CENPP: variants seen among roughly 807,000 people sequenced by gnomAD.
The protein encoded by CENPP is centromere protein P.
Under a neutral mutation model 35.6 loss-of-function variants are expected in CENPP, and 24 were observed. The ratio of observed to expected loss-of-function variants is 0.67; its 90% CI spans 0.49 to 0.95. The LOEUF (loss-of-function observed/expected upper bound fraction) is 0.95, where lower values mean the gene tolerates loss of function less well. Among genes scored for constraint, CENPP ranks in the 40% least tolerant of loss-of-function variants. CENPP has a pLI of 0.00. For missense variants in CENPP, 332 were observed against 345.3 expected (o/e 0.96, Z 0.31); for synonymous variants, 120 against 125.5 (o/e 0.96, Z 0.29).
At chr9:92,572,925 T>C (rs1850180844) in intron 5 of CENPP, among the ~76,000 whole-genome samples, 1 of 152,236 alleles carries the variant, frequency 6.6e-6, no homozygotes, top group Admixed American at 6.5e-5. Context: ...TCTTGTGCCA[T>C]GGTTTTCAGC....
chr9:92,522,549 G>T, intron 5 of CENPP: 2 of 1,548,346 alleles, frequency 1.3e-6, no homozygotes, highest in South Asian at 1.2e-5. Context: ...CCCTCTTTCT[G>T]TCTCTCTCTC....
chr9:92,363,008 A>G (rs1292912057), intron 4 of CENPP, among the ~76,000 whole-genome samples: 1 of 152,090 alleles, frequency 6.6e-6, no homozygotes, highest in Non-Finnish European at 1.5e-5. Context: ...TATATTTTTG[A>G]GCACTTCCTC....
intron 5 of CENPP, among the ~76,000 whole-genome samples, chr9:92,537,371 G>A (rs977498943): frequency 6.6e-6 from 1 of 152,016 alleles, no homozygotes; most frequent in African/African-American, 2.4e-5. Flanking sequence ...TTTTAAAAAT[G>A]TAAAACTAGC....
intron 5 of CENPP, among the ~76,000 whole-genome samples, chr9:92,461,657 C>G (rs1404817047): frequency 6.6e-6 from 1 of 152,144 alleles, no homozygotes; most frequent in Non-Finnish European, 1.5e-5. Flanking sequence ...ACCTGAGGGT[C>G]TTAGCATTCA....
At chr9:92,572,709 G>A (rs1276054485) in intron 5 of CENPP, among the ~76,000 whole-genome samples, 34 of 152,162 alleles carry the variant, frequency 2.2e-4, no homozygotes, top group Non-Finnish European at 4.1e-4. Flanking sequence ...CATTCTCCCC[G>A]TCACTTTCAG....
At chr9:92,368,669 C>T (rs917595890) in intron 4 of CENPP, among the ~76,000 whole-genome samples, 7 of 152,090 alleles carry the variant, frequency 4.6e-5, no homozygotes, top group Non-Finnish European at 7.4e-5. Flanking sequence ...GTTTTTTTGG[C>T]TACTGACGGG....
chr9:92,477,022 C>T (rs1302369479), intron 5 of CENPP, among the ~76,000 whole-genome samples: 3 of 152,148 alleles, frequency 2.0e-5, no homozygotes, highest in Non-Finnish European at 4.4e-5. Context: ...AGGTAGAGAA[C>T]AGAATGATTG....
At chr9:92,502,119 T>A (rs1050044487) in intron 5 of CENPP, among the ~76,000 whole-genome samples, 1 of 151,630 alleles carries the variant, frequency 6.6e-6, no homozygotes, top group South Asian at 2.1e-4. Context: ...AGGGGAATAA[T>A]CCTTCATTCA....
intron 4 of CENPP, among the ~76,000 whole-genome samples, chr9:92,366,177 C>CA (rs79052877): frequency 0.078 from 3,978 of 50,930 alleles, 133 homozygotes; most frequent in South Asian, 0.17. Flanking sequence ...GACTCCGTCT[C>CA]AAAAAAAAAA....
intron 5 of CENPP, among the ~76,000 whole-genome samples, chr9:92,599,871 G>A (rs558986242): frequency 4.2e-4 from 64 of 152,298 alleles, no homozygotes; most frequent in African/African-American, 1.4e-3. Context: ...GCCTCCTCCA[G>A]CCTCTCTTTT....
intron 3 of CENPP, chr9:92,340,638 C>T (rs1220837017): frequency 1.3e-5 from 2 of 152,610 alleles, no homozygotes; most frequent in East Asian, 1.9e-4. Flanking sequence ...ATTTCTTATG[C>T]CTTTCTTTAC....
intron 5 of CENPP, among the ~76,000 whole-genome samples, chr9:92,595,585 T>TTC (rs2131379776): frequency 6.6e-6 from 1 of 151,750 alleles, no homozygotes; most frequent in East Asian, 1.9e-4. Flanking sequence ...GTTTTTTTTT[T>TTC]CATGGAGTCT....
chr9:92,561,387 T>C (rs1536423), intron 5 of CENPP, among the ~76,000 whole-genome samples: 101,392 of 152,110 alleles, frequency 0.67, 35,539 homozygotes, highest in African/African-American at 0.89. Flanking sequence ...TTTTAGGTCT[T>C]GGTTTTAACA....
At chr9:92,497,804 T>C (rs1204247569) in intron 5 of CENPP, among the ~76,000 whole-genome samples, 3 of 150,930 alleles carry the variant, frequency 2.0e-5, no homozygotes, top group South Asian at 4.2e-4. Flanking sequence ...ATGAATAGAT[T>C]GATATCCTCT....
intron 5 of CENPP, among the ~76,000 whole-genome samples, chr9:92,515,747 C>T (rs1026955299): frequency 1.3e-5 from 2 of 152,322 alleles, no homozygotes; most frequent in African/African-American, 4.8e-5. Flanking sequence ...ACATCATCCT[C>T]TGAAATTCAG....
At chr9:92,548,740 G>A (rs1849526177) in intron 5 of CENPP, among the ~76,000 whole-genome samples, 1 of 152,106 alleles carries the variant, frequency 6.6e-6, no homozygotes, top group African/African-American at 2.4e-5. Flanking sequence ...AAAGCTTATG[G>A]GTATTGGGAG....
In CENPP at chr9:92,556,986, T is replaced by G. The variant is rs114911261; in HGVS notation, c.565-54328T>G. Among the ~76,000 whole-genome samples the G allele has an allele frequency of 2.8e-3, 422 of 152,358 alleles. 1 individual carries two copies. The highest frequency in any genetic ancestry group is 9.7e-3 in the African/African-American group (403 of 41,582). ...TGTATTTCCAGGATTTGTTTCAAGA[T>G]TTAGAGTTTCTTTTAGCAGTTCTTG... On this transcript the variant is annotated intron_variant, in intron 5 of 7. Transcript: ENST00000375587.
chr9:92,554,014 T>C (rs1294441374), intron 5 of CENPP, among the ~76,000 whole-genome samples: 1 of 152,176 alleles, frequency 6.6e-6, no homozygotes, highest in Non-Finnish European at 1.5e-5. Flanking sequence ...TTTCAACTTT[T>C]CCCCATTCAG....
At chr9:92,387,725 G>T (rs182598430) in intron 5 of CENPP, among the ~76,000 whole-genome samples, 2 of 152,168 alleles carry the variant, frequency 1.3e-5, no homozygotes, top group African/African-American at 4.8e-5. Flanking sequence ...AGCAGCTTAG[G>T]ACATTAAACA....
Sources: allele counts gnomAD v4.1 joint callset (sites outside exome capture counted in the v4.1 genomes callset), GRCh38; gene constraint gnomAD v4.1.1; transcripts MANE v1.5; gene names NCBI Gene and HGNC (gene_info 2026-07-23, HGNC 2026-07-21).